HS1BP3: variants seen among roughly 807,000 people sequenced by gnomAD.
HS1BP3 encodes HCLS1 binding protein 3.
Under a neutral mutation model 33.5 loss-of-function variants are expected in HS1BP3, and 32 were observed. The ratio of observed to expected loss-of-function variants is 0.95; its 90% CI spans 0.72 to 1.28. The LOEUF (loss-of-function observed/expected upper bound fraction) is 1.28. Ranked by LOEUF, HS1BP3 falls within the 50% of genes most tolerant of loss-of-function variation. HS1BP3 has a pLI of 0.00. For synonymous variants in HS1BP3, 187 were observed against 209.2 expected (o/e 0.89, Z 0.92); for missense variants, 486 against 502.3 (o/e 0.97, Z 0.31).
At chr2:20,577,840 CT>C (rs2149274590) in intron 5 of HS1BP3, among the ~76,000 whole-genome samples, 1 of 152,348 alleles carries the variant, frequency 6.6e-6, no homozygotes, top group African/African-American at 2.4e-5. Flanking sequence ...GGGGATTGGG[CT>C]TCCAGGGTTC....
the HS1BP3 span, among the ~76,000 whole-genome samples, chr2:20,555,199 A>G: frequency 6.6e-6 from 1 of 152,240 alleles, no homozygotes; most frequent in South Asian, 2.1e-4. Context: ...GAACTGTTCC[A>G]AAACAAGGCC....
rs1694776471 is a variant in HS1BP3, at chr2:20,626,163, A to G, written c.624-1271T>C. ...ACAGATTAACCAATGGCAGATAAAA[A>G]TAGCAGAATGGCCCTGGGTGCTGGA... is the stretch of plus-strand genomic sequence containing the variant. On this transcript the variant is annotated intron_variant, in intron 4 of 6. Coordinates refer to ENST00000304031, the MANE Select transcript of HS1BP3 (RefSeq NM_022460.4). Among the ~76,000 whole-genome samples, 6 of 152,298 alleles carry G rather than the reference A, an allele frequency of 3.9e-5. No homozygotes were observed. The South Asian group carries it at 1.2e-3, about 32-fold the overall frequency.
chr2:20,619,284 C>T lies in HS1BP3; in HGVS notation c.921-39G>A, dbSNP rs772241524. On this transcript the variant is annotated intron_variant, in intron 6 of 6. Transcript: ENST00000304031. ...GGGAGGAACCCTGAGCATAACACTG[C>T]CACCCCGTGACAGGAACAAGACCCC... 9 of 1,499,848 alleles carry T rather than the reference C, an allele frequency of 6.0e-6. No individual in the cohort carries two copies. The African/African-American group carries it at 1.2e-4, about 21-fold the overall frequency. 92.9% of individuals were successfully genotyped at this position (1,499,848 alleles called of 1,614,324 possible).
intron 5 of HS1BP3, among the ~76,000 whole-genome samples, chr2:20,581,249 T>G (rs1040864243): frequency 2.6e-5 from 4 of 152,264 alleles, no homozygotes; most frequent in African/African-American, 9.6e-5. Flanking sequence ...GCCTTCCATT[T>G]ATCTCACTGT....
At position 20,599,051 on chromosome 2, in the gene HS1BP3, C is replaced by T. The variant is rs185481021; in HGVS notation, c.179-786G>A. Among the ~76,000 whole-genome samples the T allele has an allele frequency of 4.0e-4, 61 of 152,278 alleles. 1 individual carries two copies. The East Asian group carries it at 0.01, about 25-fold the overall frequency. ...GAGGTCGGTGGAAACCAGAGACAAG[C>T]GCAGGAGCCCACAACCTCAGCACCG... On this transcript the variant is annotated intron_variant, in intron 2 of 3. Transcript: ENST00000415264.
intron 2 of HS1BP3, among the ~76,000 whole-genome samples, chr2:20,605,582 C>A (rs558570591): frequency 6.6e-6 from 1 of 152,282 alleles, no homozygotes; most frequent in East Asian, 1.9e-4. Context: ...AAAACCTATA[C>A]CTCCCCGCAC....
At chr2:20,556,209 T>C (rs140133610), downstream of HS1BP3, among the ~76,000 whole-genome samples, 159 of 152,340 alleles carry the variant, frequency 1.0e-3, no homozygotes, top group African/African-American at 3.7e-3. Flanking sequence ...TGAGAACTGA[T>C]ACATTTAGTG....
intron 6 of HS1BP3, chr2:20,622,341 G>C: frequency 1.5e-6 from 2 of 1,303,808 alleles, no homozygotes; most frequent in Non-Finnish European, 2.0e-6. Flanking sequence ...AAAAAGAAAA[G>C]CAGTTAATCC....
intron 3 of HS1BP3, among the ~76,000 whole-genome samples, chr2:20,639,546 T>C (rs867086084): frequency 8.2e-4 from 125 of 152,270 alleles, no homozygotes; most frequent in African/African-American, 2.8e-3. Context: ...ACTTAGAGAG[T>C]GTCTGGCATA....
chr2:20,571,668 G>A (rs962802411), intron 5 of HS1BP3, among the ~76,000 whole-genome samples: 39 of 152,142 alleles, frequency 2.6e-4, no homozygotes, highest in African/African-American at 8.4e-4. Context: ...GGACCTGCTG[G>A]GGCCCACATC....
chr2:20,635,179 T>C (rs1442273738), intron 4 of HS1BP3: 2 of 152,186 alleles, frequency 1.3e-5, no homozygotes, highest in African/African-American at 2.4e-5. Context: ...GGCACGTATA[T>C]AGGGGAAGGC....
chr2:20,602,784 T>TGAA (rs1366153377), intron 2 of HS1BP3, among the ~76,000 whole-genome samples: 1 of 152,160 alleles, frequency 6.6e-6, no homozygotes, highest in African/African-American at 2.4e-5. Context: ...ATCAAGAAAG[T>TGAA]GAAAATACAG....
intron 5 of HS1BP3, among the ~76,000 whole-genome samples, chr2:20,573,871 C>T (rs1376517605): frequency 2.0e-5 from 3 of 152,224 alleles, no homozygotes; most frequent in Non-Finnish European, 2.9e-5. Flanking sequence ...CCCACCAGGA[C>T]AAGGAGGGCC....
At chr2:20,559,322 G>T (rs549311270), downstream of HS1BP3, among the ~76,000 whole-genome samples, 13 of 152,240 alleles carry the variant, frequency 8.5e-5, no homozygotes, top group Non-Finnish European at 1.6e-4. Flanking sequence ...TCTGACTCCC[G>T]CTGTCACTGC....
At chr2:20,641,297 C>T (rs1432261606) in intron 2 of HS1BP3, 117 bp from the exon 3 acceptor site, 15 of 854,034 alleles carry the variant, frequency 1.8e-5, no homozygotes, top group African/African-American at 3.4e-5. Flanking sequence ...CAGGTACGCC[C>T]GCCTGCTGCC....
intron 6 of HS1BP3, among the ~76,000 whole-genome samples, chr2:20,621,632 A>G (rs1382961605): frequency 6.6e-6 from 1 of 152,248 alleles, no homozygotes; most frequent in Admixed American, 6.5e-5. Context: ...GGAAAAGCTC[A>G]AAGGGACTGA....
intron 5 of HS1BP3, among the ~76,000 whole-genome samples, chr2:20,565,489 C>T (rs577836989): frequency 6.6e-6 from 1 of 152,338 alleles, no homozygotes; most frequent in African/African-American, 2.4e-5. Context: ...CTGCCACCTG[C>T]TATACCCTGA....
intron 5 of HS1BP3, among the ~76,000 whole-genome samples, chr2:20,577,453 T>G (rs887387581): frequency 1.3e-5 from 2 of 152,172 alleles, no homozygotes; most frequent in Non-Finnish European, 2.9e-5. Context: ...TTGAAACAAG[T>G]GCAGCGATCT....
At chr2:20,577,042 T>C (rs1693417778) in intron 5 of HS1BP3, among the ~76,000 whole-genome samples, 2 of 152,030 alleles carry the variant, frequency 1.3e-5, no homozygotes, top group South Asian at 4.1e-4. Context: ...TACAAGGAAA[T>C]TTATGGGAGA....
Sources: allele counts gnomAD v4.1 joint callset (sites outside exome capture counted in the v4.1 genomes callset), GRCh38; gene constraint gnomAD v4.1.1; transcripts MANE v1.5; gene names NCBI Gene and HGNC (gene_info 2026-07-23, HGNC 2026-07-21).